The following TRAFD1 variants were observed in gnomAD, a reference collection of about 807,000 sequenced individuals.
The protein encoded by TRAFD1 is TRAF-type zinc finger domain-containing protein 1.
Under a neutral mutation model 65.3 loss-of-function variants are expected in TRAFD1, and 38 were observed. The observed-to-expected ratio is 0.58, with a 90% confidence interval of 0.45 to 0.76. The LOEUF (loss-of-function observed/expected upper bound fraction) is 0.76, where lower values mean the gene tolerates loss of function less well. Ranked by LOEUF, TRAFD1 falls within the 30% of genes least tolerant of loss-of-function variation. The probability of loss-of-function intolerance (pLI) is 0.00; values close to 1 mark genes in which losing one functional copy is unlikely to be tolerated. For missense variants in TRAFD1, 631 were observed against 712.6 expected, an observed-to-expected ratio of 0.89 and a Z score of 1.30; for synonymous variants, 223 against 257.2, an observed-to-expected ratio of 0.87 and a Z score of 1.27.
rs975351589 is a variant in TRAFD1 at position 112,137,594 on chromosome 12, C to A, written c.237+2528C>A. On this transcript the variant is annotated intron_variant, in intron 4 of 11. Coordinates refer to ENST00000412615, the MANE Select transcript of TRAFD1 (RefSeq NM_006700.3). This position sits in a 1 kb window ranked among gnomAD's most constrained non-coding sequence, Gnocchi z 4.2. ...TGGCTAATACGGTGAAACCCCGTCT[C>A]TACTAAAAATACATAAAATTAGCTG... 2.0e-5 allele frequency among the ~76,000 whole-genome samples: 3 copies of A among 151,996 alleles called. No homozygotes were observed. Among genetic ancestry groups the A allele is most frequent in the African/African-American group, 4.8e-5 (2 of 41,370 alleles).
chr12:112,149,567 C>T, intron 8 of TRAFD1, 184 bp from the exon 9 acceptor site: 1 of 637,326 alleles, frequency 1.6e-6, no homozygotes, highest in South Asian at 2.3e-5. Context: ...TCTGTCAGTG[C>T]CTCATGTGCC....
intron 2 of TRAFD1, among the ~76,000 whole-genome samples, chr12:112,133,846 A>G (rs2079578639): frequency 6.6e-6 from 1 of 151,008 alleles, no homozygotes; most frequent in African/African-American, 2.4e-5. Context: ...TTGGGATTAC[A>G]GGTACCCGCC....
chr12:112,149,816 T>C lies in TRAFD1; in HGVS notation c.1224T>C (p.Asp408=). The C allele has an allele frequency of 6.2e-7, 1 of 1,614,190 alleles. No individual in the cohort carries two copies. Among genetic ancestry groups the C allele is most frequent in the Non-Finnish European group, 8.5e-7 (1 of 1,180,030 alleles). ...TGACAGAGGGGATTCCTAGACTGGATTCCCAGCCTCAAGAGACCTCACCAG... is the reference window on the plus strand; with the variant it reads ...TGACAGAGGGGATTCCTAGACTGGACTCCCAGCCTCAAGAGACCTCACCAG... ...NHVTEGIPRL[D]SQPQETSPEL... The change falls in exon 9 of 12, where the codon GAT becomes GAC. Residue 408 remains aspartate (D), a synonymous_variant. Coordinates refer to ENST00000412615, the MANE Select transcript of TRAFD1 (RefSeq NM_006700.3).
chr12:112,147,968 C>T, intron 7 of TRAFD1, 106 bp from the exon 8 acceptor site: 4 of 1,119,634 alleles, frequency 3.6e-6, no homozygotes, highest in Non-Finnish European at 5.0e-6. Flanking sequence ...CGCGCCCGGC[C>T]AAGCATTGTT....
intron 1 of TRAFD1, chr12:112,126,122 T>A (rs1428210189): frequency 1.3e-5 from 2 of 152,188 alleles, no homozygotes; most frequent in African/African-American, 2.4e-5. Context: ...CCTCTTAGGA[T>A]TGTAGTCGGG....
chr12:112,134,862 G>C lies in TRAFD1; in HGVS notation c.172G>C (p.Glu58Gln). Residue 58 changes from glutamate to glutamine, a missense_variant, in exon 3 of 12, where the codon GAA becomes CAA. Coordinates refer to ENST00000412615, the MANE Select transcript of TRAFD1 (RefSeq NM_006700.3). ...TGACATGGAGACTCACATGGCTGCA[G>C]AACACTGTCAGGTGAGCCACCAAGT... ...KSDMETHMAAEHCQVTCKCNK... is the reference protein window; with the variant it reads ...KSDMETHMAAQHCQVTCKCNK... 1 of 1,613,096 alleles carries C rather than the reference G, an allele frequency of 6.2e-7. No individual in the cohort carries two copies. Among genetic ancestry groups the C allele is most frequent in the Non-Finnish European group, 8.5e-7 (1 of 1,179,038 alleles).
Position 112,142,306 on chromosome 12 carries a change from T to G in TRAFD1, c.850+11T>G. On this transcript the variant is annotated intron_variant, in intron 6 of 11. Coordinates refer to ENST00000412615, the MANE Select transcript of TRAFD1 (RefSeq NM_006700.3). ...TCAGTGACATAAAGGGTAGGCTTGCTTATTCTGCACTAGCCTCTTTCTCTA... is the reference window on the plus strand; with the variant it reads ...TCAGTGACATAAAGGGTAGGCTTGCGTATTCTGCACTAGCCTCTTTCTCTA... The G allele has an allele frequency of 6.2e-7, 1 of 1,609,038 alleles. No homozygotes were observed. The highest frequency in any genetic ancestry group is 8.5e-7 in the Non-Finnish European group (1 of 1,175,730).
chr12:112,138,584 G>A (rs142034808), intron 4 of TRAFD1, among the ~76,000 whole-genome samples: 293 of 150,566 alleles, frequency 1.9e-3, no homozygotes, highest in Admixed American at 3.6e-3. Context: ...AATGCTGGGC[G>A]TGGTGGCTCA....
At chr12:112,143,830 T>C (rs2136977680) in intron 6 of TRAFD1, among the ~76,000 whole-genome samples, 1 of 145,522 alleles carries the variant, frequency 6.9e-6, no homozygotes, top group Non-Finnish European at 1.5e-5. Context: ...CCCCCAGGCC[T>C]CAAGTGATCC....
In TRAFD1 at chr12:112,130,451, C is replaced by T. The variant is rs1489577463; in HGVS notation, c.-12-60C>T. 1.0e-5 allele frequency: 14 copies of T among 1,383,678 alleles called. No homozygotes were observed. In the African/African-American group the frequency reaches 1.9e-4, roughly 18 times the overall value. 85.7% of individuals were successfully genotyped at this position (1,383,678 alleles called of 1,614,324 possible). ...TACTAGTTTTTTATTTGTTTTTTTG[C>T]ATGTCATCTTTAAAGCAGAAATGAA... On this transcript the variant is annotated intron_variant, in intron 1 of 11. Transcript: ENST00000412615. The surrounding 1 kb of genome is among the most constrained non-coding windows in gnomAD (Gnocchi z 4.4).
rs76876497 is a variant in TRAFD1, at chr12:112,128,969, C to T, written c.-12-1542C>T. 1.4e-3 allele frequency among the ~76,000 whole-genome samples: 210 copies of T among 146,010 alleles called. 2 individuals are homozygous for T. The East Asian group carries it at 0.022, about 15-fold the overall frequency. Reference sequence around the variant, plus strand: ...GGTCGAGGTTGCAGTGAGCCGAGATCGCAGTGAGCCGAGATCGCACCACTG... The same window carrying T: ...GGTCGAGGTTGCAGTGAGCCGAGATTGCAGTGAGCCGAGATCGCACCACTG... On this transcript the variant is annotated intron_variant, in intron 1 of 11. Transcript: ENST00000412615.
intron 1 of TRAFD1, among the ~76,000 whole-genome samples, chr12:112,129,193 ATTTT>A (rs56949881): frequency 6.1e-5 from 5 of 81,362 alleles, no homozygotes; most frequent in South Asian, 5.0e-4. Flanking sequence ...TGGGATGGTG[ATTTT>A]TTTTTTTTTT....
At chr12:112,143,729 GTTTTTTTTT>G (rs869247106) in intron 6 of TRAFD1, among the ~76,000 whole-genome samples, 1 of 121,764 alleles carries the variant, frequency 8.2e-6, no homozygotes, top group Non-Finnish European at 1.7e-5. Flanking sequence ...TCCCGCTTTG[GTTTTTTTTT>G]TTTTTTTTTT....
Position 112,152,410 on chromosome 12 carries a change from T to C in TRAFD1, c.1620-17T>C. On this transcript the variant is annotated splice_polypyrimidine_tract_variant and intron_variant, in intron 10 of 11. Coordinates refer to ENST00000412615, the MANE Select transcript of TRAFD1 (RefSeq NM_006700.3). The surrounding 1 kb of genome is among the most constrained non-coding windows in gnomAD (Gnocchi z 5.0). ...CAGGGACACTTCAGGAGCTAGTTTC[T>C]AATTGTTTTCTTTCAGTGGTAGGAG... is the stretch of plus-strand genomic sequence containing the variant. 6.2e-7 allele frequency: 1 copy of C among 1,611,620 alleles called. No homozygotes were observed. Among genetic ancestry groups the C allele is most frequent in the Admixed American group, 1.7e-5 (1 of 60,024 alleles).
At chr12:112,140,771 A>G in intron 4 of TRAFD1, 48 bp from the exon 5 acceptor site, 1 of 1,597,446 alleles carries the variant, frequency 6.3e-7, no homozygotes, top group East Asian at 2.2e-5. Flanking sequence ...ACTAAAACAC[A>G]CCTCTCCTAG....
intron 8 of TRAFD1, 53 bp from the exon 9 acceptor site, chr12:112,149,698 T>C: frequency 6.2e-7 from 1 of 1,609,582 alleles, no homozygotes; most frequent in South Asian, 1.1e-5. Context: ...TCGCATGCTC[T>C]TTTCTGGGAA....
intron 4 of TRAFD1, among the ~76,000 whole-genome samples, chr12:112,140,408 A>C (rs1171983130): frequency 6.9e-6 from 1 of 144,124 alleles, no homozygotes; most frequent in Non-Finnish European, 1.5e-5. Flanking sequence ...CGACAGTGCG[A>C]GACACTGTCT....
chr12:112,141,845 C>G, intron 5 of TRAFD1: 1 of 477,524 alleles, frequency 2.1e-6, no homozygotes, highest in East Asian at 3.4e-5. Context: ...GTGCCTGTCT[C>G]ATAATTATGG....
At chr12:112,143,262 G>A (rs1043152352) in intron 6 of TRAFD1, among the ~76,000 whole-genome samples, 2 of 152,162 alleles carry the variant, frequency 1.3e-5, no homozygotes, top group Non-Finnish European at 2.9e-5. Context: ...TGTATTTTTA[G>A]TAAAGACGGG....
Sources: gnomAD v4.1 joint callset for allele counts (sites outside exome capture counted in the v4.1 genomes callset) on GRCh38, gnomAD v4.1.1 for gene constraint, Gnocchi (gnomAD v3.1) non-coding constraint, MANE v1.5 for transcripts, NCBI Gene and HGNC (gene_info 2026-07-23, HGNC 2026-07-21) for gene names.